CYRIA: variants seen among roughly 807,000 people sequenced by gnomAD.
The protein encoded by CYRIA is CYFIP related Rac1 interactor A, also known as CYFIP-related Rac1 interactor A.
In CYRIA, 15 loss-of-function variants were observed where a neutral mutation model predicts 43.9. The observed-to-expected ratio is 0.34, with a 90% CI of 0.23 to 0.53. CYRIA has a LOEUF of 0.53. CYRIA is among the 20% of genes least tolerant of loss of function. The pLI, the probability that CYRIA is intolerant of heterozygous loss-of-function variation, is 0.94. For synonymous variants in CYRIA, 117 were observed against 136.0 expected (o/e 0.86, Z 0.97); for missense variants, 236 against 394.2 (o/e 0.60, Z 3.40).
intron 2 of CYRIA, among the ~76,000 whole-genome samples, chr2:16,608,704 A>G (rs1348028793): frequency 1.3e-5 from 2 of 152,234 alleles, no homozygotes; most frequent in African/African-American, 4.8e-5. Context: ...TTCTTAGTGT[A>G]GCATCTGGCA....
At chr2:16,554,447 G>A (rs189308652) in intron 11 of CYRIA, among the ~76,000 whole-genome samples, 267 of 152,270 alleles carry the variant, frequency 1.8e-3, no homozygotes, top group African/African-American at 6.2e-3. Flanking sequence ...TCACTTGTTA[G>A]CAGTGAGAAG....
chr2:16,635,781 G>A (rs7597205), intron 1 of CYRIA, among the ~76,000 whole-genome samples: 17,210 of 152,112 alleles, frequency 0.11, 1,332 homozygotes, highest in African/African-American at 0.21. Context: ...GAGTTGAAGC[G>A]TCTTGAAAAG....
chr2:16,566,226 T>C (rs1000898674), intron 3 of CYRIA, among the ~76,000 whole-genome samples: 39 of 152,198 alleles, frequency 2.6e-4, no homozygotes, highest in Admixed American at 2.4e-3. Context: ...TGTTCATTGA[T>C]ATTAAACACA....
intron 3 of CYRIA, among the ~76,000 whole-genome samples, chr2:16,570,485 A>G (rs917452275): frequency 6.6e-6 from 1 of 152,182 alleles, no homozygotes; most frequent in Non-Finnish European, 1.5e-5. Context: ...TCATTTTGCC[A>G]TCTGGAAAAT....
intron 3 of CYRIA, among the ~76,000 whole-genome samples, chr2:16,586,187 C>T (rs1028569197): frequency 6.6e-6 from 1 of 152,060 alleles, no homozygotes; most frequent in African/African-American, 2.4e-5. Flanking sequence ...TACACCCCCA[C>T]AGTTGTGAAT....
intron 1 of CYRIA, among the ~76,000 whole-genome samples, chr2:16,656,259 C>T (rs1670109715): frequency 2.6e-5 from 4 of 151,828 alleles, no homozygotes; most frequent in Non-Finnish European, 5.9e-5. Flanking sequence ...CCTATACACA[C>T]ACAGCTATAC....
intron 1 of CYRIA, among the ~76,000 whole-genome samples, chr2:16,639,570 T>C (rs570313355): frequency 1.3e-4 from 20 of 152,376 alleles, no homozygotes; most frequent in Non-Finnish European, 2.8e-4. Context: ...TAAAAGCCTC[T>C]TTCAGGAAGG....
At chr2:16,653,444 A>G (rs1302913428) in intron 1 of CYRIA, among the ~76,000 whole-genome samples, 2 of 151,782 alleles carry the variant, frequency 1.3e-5, no homozygotes, top group Non-Finnish European at 2.9e-5. Context: ...TAAAATAGCA[A>G]CTCTTTCCCC....
intron 10 of CYRIA, among the ~76,000 whole-genome samples, chr2:16,558,914 C>T (rs1558400711): frequency 6.6e-6 from 1 of 152,020 alleles, no homozygotes; most frequent in East Asian, 1.9e-4. Context: ...ATGTTTGAAA[C>T]ATGTCTGAAA....
intron 1 of CYRIA, among the ~76,000 whole-genome samples, chr2:16,656,890 G>C (rs1267676707): frequency 6.6e-6 from 1 of 152,172 alleles, no homozygotes; most frequent in East Asian, 1.9e-4. Context: ...AAATACATCT[G>C]AGGCAACCAG....
chr2:16,647,336 G>C (rs774468385), intron 1 of CYRIA, among the ~76,000 whole-genome samples: 1 of 152,168 alleles, frequency 6.6e-6, no homozygotes, highest in Non-Finnish European at 1.5e-5. Context: ...ATTAACAAAT[G>C]TCTAAATTTG....
At chr2:16,658,907 G>A (rs1355979409) in intron 1 of CYRIA, among the ~76,000 whole-genome samples, 1 of 152,194 alleles carries the variant, frequency 6.6e-6, no homozygotes, top group African/African-American at 2.4e-5. Context: ...GCTGTACCAA[G>A]GAAGGGCCTG....
At chr2:16,609,848 TCA>T (rs1170048090) in intron 2 of CYRIA, among the ~76,000 whole-genome samples, 1 of 152,164 alleles carries the variant, frequency 6.6e-6, no homozygotes, top group Non-Finnish European at 1.5e-5. Context: ...GATATTTTAT[TCA>T]CACACTCTTA....
chr2:16,619,797 C>T (rs1668936436), intron 2 of CYRIA, among the ~76,000 whole-genome samples: 1 of 152,204 alleles, frequency 6.6e-6, no homozygotes, highest in Non-Finnish European at 1.5e-5. Flanking sequence ...AGCAGGCTGG[C>T]TATTTCCTCC....
intron 3 of CYRIA, among the ~76,000 whole-genome samples, chr2:16,581,389 C>T (rs1166341020): frequency 6.6e-6 from 1 of 152,096 alleles, no homozygotes; most frequent in Admixed American, 6.5e-5. Flanking sequence ...ATTAAAAACA[C>T]CATGGGATGC....
Position 16,556,991 on chromosome 2 carries a change from C to T in CYRIA, c.838-1852G>A, listed in dbSNP as rs371485624. Reference sequence around the variant, plus strand: ...AGGGGAATCTCTGTTTTGGGGATGGCCATATTTCAGGTGTCCATGGGAAAT... The same window carrying T: ...AGGGGAATCTCTGTTTTGGGGATGGTCATATTTCAGGTGTCCATGGGAAAT... On this transcript the variant is annotated intron_variant, in intron 10 of 11. Coordinates refer to ENST00000381323, the MANE Select transcript of CYRIA (RefSeq NM_030797.4). 1.4e-3 allele frequency among the ~76,000 whole-genome samples: 206 copies of T among 152,004 alleles called. 2 individuals carry two copies. Among genetic ancestry groups the T allele is most frequent in the African/African-American group, 4.8e-3 (200 of 41,454 alleles).
chr2:16,626,962 G>A (rs984479075), intron 1 of CYRIA, among the ~76,000 whole-genome samples: 3 of 152,202 alleles, frequency 2.0e-5, no homozygotes, highest in African/African-American at 7.2e-5. Context: ...ACAAAGCTGA[G>A]GGGTAATCAC....
rs141728747 is a variant in CYRIA, at chr2:16,561,720, C to T, written c.436-187G>A. 9.6e-3 allele frequency among the ~76,000 whole-genome samples: 1,463 copies of T among 152,244 alleles called. 28 individuals are homozygous for T. The highest frequency in any genetic ancestry group is 0.033 in the African/African-American group (1,384 of 41,548). On this transcript the variant is annotated intron_variant, in intron 6 of 11. Coordinates refer to ENST00000381323, the MANE Select transcript of CYRIA (RefSeq NM_030797.4). ...ATTATTTTAAAATATGCCCTGTGGG[C>T]TAGATTTCAGGGAAAGTATATTTGG...
At chr2:16,561,942 C>T in intron 6 of CYRIA, 63 bp downstream of exon 6, 1 of 1,496,868 alleles carries the variant, frequency 6.7e-7, no homozygotes, top group South Asian at 1.3e-5. Context: ...ACTAACAGAA[C>T]AGCTGTAAAC....
Sources: allele counts gnomAD v4.1 joint callset (sites outside exome capture counted in the v4.1 genomes callset), GRCh38; gene constraint gnomAD v4.1.1; transcripts MANE v1.5; gene names NCBI Gene and HGNC (gene_info 2026-07-23, HGNC 2026-07-21).